Variants in HNRNPK observed in about 807,000 individuals in gnomAD.
The protein encoded by HNRNPK is heterogeneous nuclear ribonucleoprotein K, also known as dC-stretch binding protein.
HNRNPK carries 7 observed loss-of-function variants against 67.0 expected under a neutral mutation model. That is an observed-to-expected ratio of 0.10 (90% CI 0.06 to 0.20). HNRNPK has a LOEUF of 0.20. Among genes scored for constraint, HNRNPK ranks in the 10% least tolerant of loss-of-function variants. HNRNPK has a pLI of 1.00. For missense variants in HNRNPK, 264 were observed against 606.5 expected (o/e 0.44, Z 5.93); for synonymous variants, 213 against 193.7 (o/e 1.10, Z -0.83).
At chr9:83,974,898 ACT>A (rs1461286483) in intron 6 of HNRNPK, among the ~76,000 whole-genome samples, 1 of 152,220 alleles carries the variant, frequency 6.6e-6, no homozygotes, top group Admixed American at 6.5e-5. Flanking sequence ...CCCCGCCACC[ACT>A]GAGTTAAGGA....
At chr9:83,970,395 C>G (rs1033153030) in intron 15 of HNRNPK, 64 bp from the exon 16 acceptor site, 3 of 1,259,942 alleles carry the variant, frequency 2.4e-6, no homozygotes, top group Non-Finnish European at 3.4e-6. Context: ...CCTGTATTTT[C>G]AAGGAGCATG....
intron 10 of HNRNPK, among the ~76,000 whole-genome samples, chr9:83,972,552 A>C (rs1002748124): frequency 6.6e-5 from 10 of 152,230 alleles, no homozygotes; most frequent in Non-Finnish European, 1.0e-4. Flanking sequence ...TGTAATCCAT[A>C]CTGAGGCACC....
In HNRNPK at chr9:83,973,989, T is replaced by C. The variant is rs781549778; in HGVS notation, c.331-16A>G. The C allele has an allele frequency of 6.3e-7, 1 of 1,587,518 alleles. No homozygotes were observed. The highest frequency in any genetic ancestry group is 8.7e-7 in the Non-Finnish European group (1 of 1,155,872). On this transcript the variant is annotated splice_polypyrimidine_tract_variant and intron_variant, in intron 7 of 16. Transcript: ENST00000376263. ...ACTGCAGGCCCTGAAAGTAGAAAAA[T>C]AAGAGTAATAGGTTAAGTGTCTAGC...
intron 11 of HNRNPK, 28 bp from the exon 12 acceptor site, chr9:83,971,754 A>G (rs879034272): frequency 6.2e-7 from 1 of 1,607,284 alleles, no homozygotes; most frequent in Non-Finnish European, 8.5e-7. Context: ...GTTGTAATCT[A>G]AACGTGCTTA....
At chr9:83,973,799 C>G in intron 8 of HNRNPK, 103 bp downstream of exon 8, 1 of 828,718 alleles carries the variant, frequency 1.2e-6, no homozygotes, top group Non-Finnish European at 2.0e-6. Context: ...TGTTTTTAAG[C>G]CTTTTTCTAT....
chr9:83,974,162 TAG>T (rs537725939), intron 7 of HNRNPK, among the ~76,000 whole-genome samples, 189 bp from the exon 8 acceptor site: 24 of 152,300 alleles, frequency 1.6e-4, no homozygotes, highest in East Asian at 1.2e-3. Flanking sequence ...GTGAATTATG[TAG>T]AGTCTTAAAA....
chr9:83,971,903 G>A lies in HNRNPK; in HGVS notation c.932C>T (p.Pro311Leu). 1 of 1,560,262 alleles carries A rather than the reference G, an allele frequency of 6.4e-7. No individual in the cohort carries two copies. Among genetic ancestry groups the A allele is most frequent in the Non-Finnish European group, 8.7e-7 (1 of 1,154,396 alleles). Reference protein sequence around the residue: ...GSRARNLPLPPPPPPRGGDLM... With the variant: ...GSRARNLPLPLPPPPRGGDLM... The stretch of plus-strand genomic sequence containing the variant: ...TTACCCCCCTCTAGGTGGTGGTGGT[G>A]GAGGAAGAGGAAGATTCCGAGCTCT... Residue 311 changes from proline (P) to leucine (L), a missense_variant, in exon 11 of 17, where the codon CCA becomes CTA. Coordinates refer to ENST00000376263, the MANE Select transcript of HNRNPK (RefSeq NM_031263.4).
At chr9:83,975,206 T>C (rs1320672814) in intron 6 of HNRNPK, among the ~76,000 whole-genome samples, 1 of 152,172 alleles carries the variant, frequency 6.6e-6, no homozygotes, top group African/African-American at 2.4e-5. Flanking sequence ...TTGGTAACAA[T>C]TTGATTTACA....
chr9:83,970,823 AT>A lies in HNRNPK; in HGVS notation c.1109-5del. On this transcript the variant is annotated splice_region_variant and splice_polypyrimidine_tract_variant and intron_variant, in intron 14 of 16. Coordinates refer to ENST00000376263, the MANE Select transcript of HNRNPK (RefSeq NM_031263.4). ...CGACCCCCTGCATAGGAATAATCTG[AT>A]TTAAATAATGAGCAGTAAGTTCATT... is the stretch of plus-strand genomic sequence containing the variant. The A allele has an allele frequency of 5.0e-6, 8 of 1,610,530 alleles. No individual in the cohort carries two copies. The highest frequency in any genetic ancestry group is 6.8e-6 in the Non-Finnish European group (8 of 1,176,732).
chr9:83,974,345 TTA>T (rs1956980749), intron 7 of HNRNPK, among the ~76,000 whole-genome samples, 170 bp downstream of exon 7: 25 of 139,424 alleles, frequency 1.8e-4, no homozygotes, highest in Non-Finnish European at 2.8e-4. Flanking sequence ...GTTTTTTTTT[TTA>T]AAAAAAAAAA....
chr9:83,972,012 G>A lies in HNRNPK; in HGVS notation c.823C>T (p.Pro275Ser). ...PPGRGGRPMP[P>S]SRRDYDDMSP... ...ATATCATCATAATCTCTTCTAGATG[G>A]AGGCATGGGACGCCCACCCCGACCA... Residue 275 changes from proline (P) to serine (S), a missense_variant, in exon 11 of 17, where the codon CCA (proline) becomes TCA (serine). By Grantham distance (74) the Pro-to-Ser change is moderately conservative (BLOSUM62 -1). This residue lies in a region of HNRNPK where 142 missense variants were observed against 256.5 expected (regional missense o/e 0.55). Transcript: ENST00000376263. The A allele has an allele frequency of 6.2e-7, 1 of 1,613,832 alleles. No individual in the cohort carries two copies. The highest frequency in any genetic ancestry group is 1.1e-5 in the South Asian group (1 of 91,040).
intron 7 of HNRNPK, among the ~76,000 whole-genome samples, chr9:83,974,185 A>C (rs1186575995): frequency 6.6e-6 from 1 of 152,072 alleles, no homozygotes; most frequent in African/African-American, 2.4e-5. Flanking sequence ...TCCTAACTAA[A>C]TCTAACTAAT....
intron 6 of HNRNPK, 129 bp downstream of exon 6, chr9:83,975,333 A>G (rs1957028768): frequency 1.2e-6 from 1 of 861,918 alleles, no homozygotes; most frequent in African/African-American, 1.7e-5. Context: ...TAATGGGGAA[A>G]ATAAGACAGA....
chr9:83,968,418 G>C lies in HNRNPK; in HGVS notation c.*989C>G, dbSNP rs1469446879. ...ACAAAGTTTAACTAATAAGACACTA[G>C]AGCAAATTGACAGTTTAAGTCTATA... On this transcript the variant is annotated 3_prime_UTR_variant, in exon 17 of 17. Coordinates refer to ENST00000376263, the MANE Select transcript of HNRNPK (RefSeq NM_031263.4). The C allele has an allele frequency of 6.6e-6, 1 of 152,230 alleles. No individual in the cohort carries two copies. The highest frequency in any genetic ancestry group is 6.6e-5 in the Admixed American group (1 of 15,250). The allele number at this position is 152,230 out of a possible 1,614,324, so 9.4% of individuals were successfully genotyped here.
At chr9:83,971,466 A>G in intron 12 of HNRNPK, 110 bp from the exon 13 acceptor site, 1 of 843,856 alleles carries the variant, frequency 1.2e-6, no homozygotes, top group South Asian at 1.5e-5. Context: ...GTACATATAT[A>G]GGCAGCAATT....
chr9:83,972,311 C>T, intron 10 of HNRNPK, 122 bp from the exon 11 acceptor site: 1 of 710,346 alleles, frequency 1.4e-6, no homozygotes, highest in East Asian at 2.9e-5. Flanking sequence ...GTACTAGAGA[C>T]AGAAACAGGA....
chr9:83,974,664 T>C (rs1359113933), intron 6 of HNRNPK, 75 bp from the exon 7 acceptor site: 1 of 926,568 alleles, frequency 1.1e-6, no homozygotes, highest in African/African-American at 1.6e-5. Flanking sequence ...TGTCACCAAA[T>C]CATACAAACT....
In HNRNPK at chr9:83,971,927, C is replaced by A; in HGVS notation, c.908G>T (p.Arg303Ile). ...TGGAGGAAGAGGAAGATTCCGAGCT[C>A]TGCTACCACCCCGGCCGCCTCGTCC... is the stretch of plus-strand genomic sequence containing the variant. Reference protein sequence around the residue: ...PPGRGGRGGSRARNLPLPPPP... With the variant: ...PPGRGGRGGSIARNLPLPPPP... The change falls in exon 11 of 17, where the codon AGA (arginine) becomes ATA (isoleucine). Residue 303 changes from arginine (R) to isoleucine (I), a missense_variant. This residue lies in a region of HNRNPK where 142 missense variants were observed against 256.5 expected (regional missense o/e 0.55). Transcript: ENST00000376263. The A allele has an allele frequency of 6.3e-7, 1 of 1,582,574 alleles. No individual in the cohort carries two copies. Among genetic ancestry groups the A allele is most frequent in the Non-Finnish European group, 8.6e-7 (1 of 1,162,690 alleles).
At chr9:83,979,756 C>T (rs2133079989) in intron 1 of HNRNPK, among the ~76,000 whole-genome samples, 1 of 151,826 alleles carries the variant, frequency 6.6e-6, no homozygotes, top group African/African-American at 2.4e-5. Flanking sequence ...ACAAAGCCAT[C>T]GAGGCAGCCC....
Sources: gnomAD v4.1 joint callset for allele counts (sites outside exome capture counted in the v4.1 genomes callset) on GRCh38, gnomAD v4.1.1 for gene constraint, gnomAD v4.1.1 regional missense constraint, MANE v1.5 for transcripts, NCBI Gene and HGNC (gene_info 2026-07-23, HGNC 2026-07-21) for gene names.